Variants in KAT6B observed in about 807,000 individuals in gnomAD.
KAT6B encodes the protein histone acetyltransferase KAT6B.
Under a neutral mutation model 187.5 loss-of-function variants are expected in KAT6B, and 10 were observed. The ratio of observed to expected loss-of-function variants is 0.05; its 90% CI spans 0.03 to 0.09. KAT6B has a LOEUF of 0.09. KAT6B is among the 10% of genes least tolerant of loss of function. The pLI is 1.00. For synonymous variants in KAT6B, 861 were observed against 926.8 expected (o/e 0.93, Z 1.29); for missense variants, 1,952 against 2,558.9 (o/e 0.76, Z 5.12).
intron 11 of KAT6B, chr10:74,982,297 C>T (rs1243749115): frequency 3.2e-6 from 1 of 313,880 alleles, no homozygotes; most frequent in Non-Finnish European, 6.1e-6. Flanking sequence ...GCTCACTCTT[C>T]CAGGGAATTG....
chr10:74,974,296 C>G (rs1306517776), intron 7 of KAT6B, among the ~76,000 whole-genome samples: 1 of 152,166 alleles, frequency 6.6e-6, no homozygotes. Flanking sequence ...GTCATTAAAT[C>G]TTTGTATACA....
At chr10:74,885,237 A>T (rs956303512) in intron 3 of KAT6B, among the ~76,000 whole-genome samples, 7 of 144,648 alleles carry the variant, frequency 4.8e-5, no homozygotes, top group Non-Finnish European at 7.6e-5. Context: ...CTGGCTAATT[A>T]AAAAAAAAAA....
rs575842085 is a variant in KAT6B, at chr10:74,864,578, G to C, written c.621+21100G>C. Among the ~76,000 whole-genome samples the C allele has an allele frequency of 3.3e-5, 5 of 151,834 alleles. No individual in the cohort carries two copies. The East Asian group carries it at 9.7e-4, about 30-fold the overall frequency. ...ATATTTGGAGACAGGGTCTTTCTCT[G>C]TTGCCCAGGCTGGTGTGCAGTAGTG... On this transcript the variant is annotated intron_variant, in intron 3 of 17. Transcript: ENST00000287239.
At chr10:74,888,766 T>C (rs757109740) in intron 3 of KAT6B, among the ~76,000 whole-genome samples, 32 of 152,268 alleles carry the variant, frequency 2.1e-4, no homozygotes, top group Middle Eastern at 6.8e-3. Context: ...AATGGTGAAA[T>C]ATTGGAATGA....
chr10:74,853,076 A>G (rs1442215339), intron 3 of KAT6B, among the ~76,000 whole-genome samples: 1 of 142,006 alleles, frequency 7.0e-6, no homozygotes, highest in African/African-American at 2.6e-5. Context: ...TATTCTTTTT[A>G]TATGTTTTAT....
At chr10:74,968,009 T>A (rs181332963) in intron 4 of KAT6B, among the ~76,000 whole-genome samples, 9 of 152,312 alleles carry the variant, frequency 5.9e-5, no homozygotes, top group Non-Finnish European at 1.0e-4. Context: ...GGTATACTTT[T>A]AAGCTGATGG....
rs774962648 is a variant in KAT6B at position 75,029,353 on chromosome 10, A to G, written c.4529A>G (p.Glu1510Gly). The change falls in exon 18 of 18, where the codon GAA (glutamate) becomes GGA (glycine). Residue 1510 changes from glutamate to glycine, a missense_variant. This residue lies in a region of KAT6B where 758 missense variants were observed against 891.4 expected (regional missense o/e 0.85). Transcript: ENST00000287239. This position sits in a 1 kb window ranked among gnomAD's most constrained non-coding sequence, Gnocchi z 6.2. ...TCTGACGAGGAGCCACCCCCAGGAG[A>G]ACAGGCACAGAAGCAGGACCAAAAG... The part of the protein sequence containing the change: ...PESDEEPPPG[E>G]QAQKQDQKNS... The G allele has an allele frequency of 2.5e-6, 4 of 1,614,078 alleles. No individual in the cohort carries two copies. In the South Asian group the frequency reaches 4.4e-5, roughly 18 times the overall value.
At chr10:74,859,254 A>AT (rs1047832528) in intron 3 of KAT6B, among the ~76,000 whole-genome samples, 62 of 146,370 alleles carry the variant, frequency 4.2e-4, no homozygotes, top group East Asian at 3.1e-3. Context: ...CTAATTTTGT[A>AT]TTTTTTTTTT....
At chr10:74,881,247 T>G (rs1237670352) in intron 3 of KAT6B, among the ~76,000 whole-genome samples, 2 of 152,150 alleles carry the variant, frequency 1.3e-5, no homozygotes, top group Non-Finnish European at 2.9e-5. Context: ...GTCTCTAACA[T>G]GCCCTGTTGG....
intron 13 of KAT6B, among the ~76,000 whole-genome samples, chr10:75,004,389 C>T (rs779383846): frequency 5.5e-4 from 84 of 152,206 alleles, no homozygotes; most frequent in Non-Finnish European, 8.2e-4. Flanking sequence ...CAGATGCATC[C>T]AGCTAGCTTT....
chr10:74,985,336 T>C, intron 12 of KAT6B, 95 bp downstream of exon 12: 1 of 1,198,470 alleles, frequency 8.3e-7, no homozygotes. Flanking sequence ...TACTATAATT[T>C]GAATAAGTGA....
At chr10:74,867,311 A>T (rs1343241383) in intron 3 of KAT6B, among the ~76,000 whole-genome samples, 1 of 151,730 alleles carries the variant, frequency 6.6e-6, no homozygotes, top group African/African-American at 2.4e-5. Context: ...TGCTATATAT[A>T]TTTTTTCTTT....
intron 13 of KAT6B, among the ~76,000 whole-genome samples, chr10:74,990,581 G>T (rs892782181): frequency 6.6e-6 from 1 of 152,122 alleles, no homozygotes. Context: ...AATTACCCTA[G>T]TCTTATCTAT....
chr10:74,992,702 G>A (rs1843191976), intron 13 of KAT6B, among the ~76,000 whole-genome samples: 1 of 152,232 alleles, frequency 6.6e-6, no homozygotes, highest in Non-Finnish European at 1.5e-5. Context: ...GCAGCAGAGT[G>A]AGGTGGAATG....
At chr10:75,020,528 C>T in intron 13 of KAT6B, 54 bp from the exon 14 acceptor site, 2 of 1,266,982 alleles carry the variant, frequency 1.6e-6, no homozygotes, top group South Asian at 1.2e-5. Flanking sequence ...GGCTCCTGTT[C>T]TAAGCTCTGG....
At chr10:74,992,442 C>T (rs1447040781) in intron 13 of KAT6B, among the ~76,000 whole-genome samples, 2 of 152,342 alleles carry the variant, frequency 1.3e-5, no homozygotes, top group South Asian at 4.1e-4. Context: ...GTGCTCAGAA[C>T]ACTTACATTA....
intron 10 of KAT6B, among the ~76,000 whole-genome samples, chr10:74,980,342 A>G (rs1228916097): frequency 1.3e-5 from 2 of 152,188 alleles, no homozygotes; most frequent in African/African-American, 4.8e-5. Flanking sequence ...CAAAGTTTTC[A>G]GTATTTATAA....
At chr10:75,018,440 G>A (rs1047044988) in intron 13 of KAT6B, among the ~76,000 whole-genome samples, 1 of 152,208 alleles carries the variant, frequency 6.6e-6, no homozygotes, top group Non-Finnish European at 1.5e-5. Context: ...TGGACCCCAA[G>A]TTGCCTGCTG....
intron 3 of KAT6B, among the ~76,000 whole-genome samples, chr10:74,846,603 C>A (rs539513930): frequency 5.3e-5 from 8 of 152,092 alleles, no homozygotes; most frequent in African/African-American, 1.9e-4. Context: ...CATGCCTGGC[C>A]AATTTTTTGT....
Sources: allele counts gnomAD v4.1 joint callset (sites outside exome capture counted in the v4.1 genomes callset), GRCh38; gene constraint gnomAD v4.1.1; regional missense constraint gnomAD v4.1.1; non-coding constraint Gnocchi (gnomAD v3.1); transcripts MANE v1.5; gene names NCBI Gene and HGNC (gene_info 2026-07-23, HGNC 2026-07-21).